Variants in EYS observed in about 807,000 individuals in gnomAD.
The protein encoded by EYS is EGF-like photoreceptor maintenance factor.
A neutral mutation model predicts 282.1 loss-of-function variants in EYS; 250 were observed. The observed-to-expected ratio is 0.89, with a 90% CI of 0.80 to 0.98. The LOEUF is 0.98. EYS is among the 50% of genes least tolerant of loss of function. The pLI is 0.00. For missense variants in EYS, 4,016 were observed against 3,709.0 expected (o/e 1.08, Z -2.15); for synonymous variants, 1,355 against 1,282.9 (o/e 1.06, Z -1.20).
intron 12 of EYS, among the ~76,000 whole-genome samples, chr6:65,292,588 AC>A: frequency 6.6e-6 from 1 of 151,760 alleles, no homozygotes; most frequent in African/African-American, 2.4e-5. Context: ...TATATAAAGT[AC>A]CCCCTTTAGG....
intron 30 of EYS, among the ~76,000 whole-genome samples, chr6:64,264,062 T>G (rs1767675973): frequency 6.6e-6 from 1 of 151,704 alleles, no homozygotes; most frequent in South Asian, 2.1e-4. Flanking sequence ...GGTATAGATA[T>G]TTTAGATGGA....
chr6:64,308,052 C>T (rs1439909651), intron 29 of EYS, among the ~76,000 whole-genome samples: 3 of 152,022 alleles, frequency 2.0e-5, no homozygotes, highest in East Asian at 1.9e-4. Flanking sequence ...CATCAAGGCA[C>T]TACATTTTTC....
intron 22 of EYS, among the ~76,000 whole-genome samples, chr6:64,790,754 G>T (rs1420748002): frequency 6.6e-6 from 1 of 151,834 alleles, no homozygotes; most frequent in African/African-American, 2.4e-5. Context: ...ACTTACAAAA[G>T]TGTTATCATT....
intron 22 of EYS, among the ~76,000 whole-genome samples, chr6:64,724,659 G>C (rs1310488824): frequency 6.6e-6 from 1 of 151,964 alleles, no homozygotes; most frequent in Non-Finnish European, 1.5e-5. Context: ...TCTTTAGAAA[G>C]GTATCAGAAT....
intron 22 of EYS, among the ~76,000 whole-genome samples, chr6:64,678,525 C>G (rs1455935022): frequency 6.6e-6 from 1 of 152,154 alleles, no homozygotes; most frequent in Non-Finnish European, 1.5e-5. Flanking sequence ...TTGCAGTGAA[C>G]CAAGATAGGG....
intron 19 of EYS, among the ~76,000 whole-genome samples, chr6:64,874,307 T>G (rs989690896): frequency 6.6e-6 from 1 of 152,110 alleles, no homozygotes; most frequent in African/African-American, 2.4e-5. Context: ...CAGACTCACA[T>G]AACCAAAAGA....
intron 2 of EYS, among the ~76,000 whole-genome samples, chr6:65,621,948 T>A (rs190356940): frequency 1.6e-3 from 242 of 152,308 alleles, no homozygotes; most frequent in African/African-American, 5.6e-3. Flanking sequence ...TTCACTAATC[T>A]TTCCTTGTGG....
In EYS at chr6:64,220,107, A is replaced by G. The variant is rs913299936; in HGVS notation, c.6424+10485T>C. Reference sequence around the variant, plus strand: ...AATGACAAATTGGTGGGTACAGCACACCAACATGGCACATGTATACATATG... The same window carrying G: ...AATGACAAATTGGTGGGTACAGCACGCCAACATGGCACATGTATACATATG... On this transcript the variant is annotated intron_variant, in intron 31 of 42. Transcript: ENST00000503581. Among the ~76,000 whole-genome samples the G allele has an allele frequency of 2.0e-4, 30 of 152,288 alleles. No individual in the cohort carries two copies. The South Asian group carries it at 2.3e-3, about 12-fold the overall frequency.
rs1769268607 is a variant in EYS at position 64,945,823 on chromosome 6, G to C, written c.2351C>G (p.Ser784Cys). 6.5e-7 allele frequency: 1 copy of C among 1,549,888 alleles called. No homozygotes were observed. Among genetic ancestry groups the C allele is most frequent in the East Asian group, 2.5e-5 (1 of 40,758 alleles). Residue 784 changes from serine to cysteine, a missense_variant, in exon 15 of 43, where the codon TCC (serine) becomes TGC (cysteine). Physicochemically the swap from Ser to Cys is moderately radical, Grantham distance 112. Coordinates refer to ENST00000503581, the MANE Select transcript of EYS (RefSeq NM_001142800.2). ...GCTTTTGTAAAGGTCAGTACAGGTG[G>C]AATTGTTCTTGCAAGGATTCATTTT... ...ECKMNPCKNN[S>C]TCTDLYKSYR...
chr6:65,482,628 T>C (rs1175242643), intron 5 of EYS, among the ~76,000 whole-genome samples: 1 of 152,212 alleles, frequency 6.6e-6, no homozygotes, highest in Admixed American at 6.5e-5. Flanking sequence ...AAATATGTAC[T>C]TTACATTGGA....
At chr6:64,540,446 T>C (rs1042244036) in intron 26 of EYS, among the ~76,000 whole-genome samples, 15 of 150,190 alleles carry the variant, frequency 1.0e-4, no homozygotes, top group Middle Eastern at 3.5e-3. Flanking sequence ...ATAAAGCCAA[T>C]AGAAATTGAT....
At chr6:64,815,742 G>A (rs991448948) in intron 21 of EYS, among the ~76,000 whole-genome samples, 6 of 152,036 alleles carry the variant, frequency 3.9e-5, no homozygotes, top group Non-Finnish European at 5.9e-5. Flanking sequence ...ATGGAAGCTG[G>A]GAGGAATCCT....
chr6:65,317,823 TTC>T, intron 11 of EYS, among the ~76,000 whole-genome samples: 1 of 51,298 alleles, frequency 1.9e-5, no homozygotes, highest in Non-Finnish European at 3.4e-5. Context: ...CCTTCCTTCC[TTC>T]CTTTCTTTCT....
At chr6:63,884,630 A>G (rs1418481722) in intron 35 of EYS, among the ~76,000 whole-genome samples, 1 of 152,176 alleles carries the variant, frequency 6.6e-6, no homozygotes, top group African/African-American at 2.4e-5. Context: ...TGTAAGTTTT[A>G]AAAATATAAA....
chr6:65,507,604 C>T (rs375378336), intron 2 of EYS, among the ~76,000 whole-genome samples: 1 of 151,992 alleles, frequency 6.6e-6, no homozygotes, highest in East Asian at 1.9e-4. Context: ...TACTTAGATA[C>T]TCTGCTGTGA....
At chr6:65,353,432 T>A in intron 9 of EYS, 26 bp downstream of exon 9, 2 of 1,608,248 alleles carry the variant, frequency 1.2e-6, no homozygotes, top group Non-Finnish European at 1.7e-6. Context: ...TCAAGCAGAT[T>A]GAAAAAAATT....
intron 39 of EYS, among the ~76,000 whole-genome samples, chr6:63,786,864 C>G (rs1770375008): frequency 6.6e-6 from 1 of 152,044 alleles, no homozygotes; most frequent in African/African-American, 2.4e-5. Flanking sequence ...TTCTTCAGAA[C>G]CAGTAGAGAT....
At chr6:64,420,194 C>A (rs560673226) in intron 28 of EYS, among the ~76,000 whole-genome samples, 1 of 152,030 alleles carries the variant, frequency 6.6e-6, no homozygotes, top group South Asian at 2.1e-4. Flanking sequence ...GGGCTTACAC[C>A]CTCTGAAGCC....
intron 33 of EYS, among the ~76,000 whole-genome samples, chr6:64,054,226 G>C (rs1199414315): frequency 6.6e-6 from 1 of 152,116 alleles, no homozygotes; most frequent in Non-Finnish European, 1.5e-5. Context: ...TACAAGACAT[G>C]AGCATGCTGG....
Sources: gnomAD v4.1 joint callset for allele counts (sites outside exome capture counted in the v4.1 genomes callset) on GRCh38, gnomAD v4.1.1 for gene constraint, MANE v1.5 for transcripts, NCBI Gene and HGNC (gene_info 2026-07-23, HGNC 2026-07-21) for gene names.